The following IRAK2 variants were observed in gnomAD, a reference collection of about 807,000 sequenced individuals.
IRAK2 encodes the protein interleukin-1 receptor-associated kinase-like 2.
Under a neutral mutation model 72.0 loss-of-function variants are expected in IRAK2, and 57 were observed. The ratio of observed to expected loss-of-function variants is 0.79; its 90% CI spans 0.64 to 0.99. The LOEUF (loss-of-function observed/expected upper bound fraction) is 0.99. IRAK2 is among the 50% of genes least tolerant of loss of function. The probability of loss-of-function intolerance (pLI) is 0.00; values close to 1 mark genes in which losing one functional copy is unlikely to be tolerated. For missense variants in IRAK2, 790 were observed against 794.4 expected (o/e 0.99, Z 0.07); for synonymous variants, 293 against 312.7 (o/e 0.94, Z 0.67).
intron 3 of IRAK2, among the ~76,000 whole-genome samples, chr3:10,207,495 A>G (rs1269047781): frequency 2.0e-5 from 3 of 152,170 alleles, no homozygotes; most frequent in Non-Finnish European, 4.4e-5. Flanking sequence ...TGTGCGGACC[A>G]GCCACCATGG....
chr3:10,238,728 T>C lies in IRAK2; in HGVS notation c.1474-20T>C. Reference sequence around the variant, plus strand: ...CAGAGAGAATTCCTGATGAGCTCCCTTCTCTCTCTTCTCCCAAAGGTGTGT... The same window carrying C: ...CAGAGAGAATTCCTGATGAGCTCCCCTCTCTCTCTTCTCCCAAAGGTGTGT... On this transcript the variant is annotated intron_variant, in intron 11 of 12. Coordinates refer to ENST00000256458, the MANE Select transcript of IRAK2 (RefSeq NM_001570.4). 1.2e-6 allele frequency: 2 copies of C among 1,609,036 alleles called. No homozygotes were observed. Among genetic ancestry groups the C allele is most frequent in the Non-Finnish European group, 1.7e-6 (2 of 1,176,908 alleles).
rs187038916 is a variant in IRAK2 at position 10,197,627 on chromosome 3, C to T, written c.278-2742C>T. Among the ~76,000 whole-genome samples the T allele has an allele frequency of 3.0e-3, 457 of 151,076 alleles. 4 individuals carry two copies. The highest frequency in any genetic ancestry group is 0.011 in the African/African-American group (436 of 41,272). On this transcript the variant is annotated intron_variant, in intron 2 of 12. Transcript: ENST00000256458. The stretch of plus-strand genomic sequence containing the variant: ...CAGCACTTTGGGAGGCTGAAGAGGG[C>T]GGATCATGAGGTCAGGAGATCGAGA...
intron 1 of IRAK2, among the ~76,000 whole-genome samples, chr3:10,166,007 G>A (rs1439171271): frequency 6.6e-6 from 1 of 152,032 alleles, no homozygotes; most frequent in East Asian, 1.9e-4. Context: ...GGGATTACAG[G>A]CATGAGCCAC....
At chr3:10,174,681 C>T (rs138203964) in intron 1 of IRAK2, among the ~76,000 whole-genome samples, 10 of 152,068 alleles carry the variant, frequency 6.6e-5, no homozygotes, top group African/African-American at 1.7e-4. Context: ...GGCACCACCA[C>T]GCTTGGCTAA....
intron 11 of IRAK2, 92 bp downstream of exon 11, chr3:10,234,751 C>A: frequency 5.3e-6 from 6 of 1,136,088 alleles, no homozygotes; most frequent in Non-Finnish European, 7.6e-6. Flanking sequence ...GGTGCACAAA[C>A]CAGGGTTGTG....
intron 7 of IRAK2, among the ~76,000 whole-genome samples, chr3:10,217,775 G>T (rs1575980729): frequency 6.6e-6 from 1 of 152,182 alleles, no homozygotes; most frequent in Non-Finnish European, 1.5e-5. Flanking sequence ...TTCCATAACA[G>T]AATTATTGCT....
intron 3 of IRAK2, among the ~76,000 whole-genome samples, 185 bp from the exon 4 acceptor site, chr3:10,209,404 T>G (rs1408101073): frequency 6.6e-6 from 1 of 151,716 alleles, no homozygotes; most frequent in Non-Finnish European, 1.5e-5. Flanking sequence ...TGTAGGGGAG[T>G]CAGAGGCTTA....
intron 2 of IRAK2, 116 bp downstream of exon 2, chr3:10,178,136 T>A: frequency 2.3e-6 from 2 of 857,196 alleles, no homozygotes; most frequent in Non-Finnish European, 3.5e-6. Context: ...TTAAAAAATT[T>A]AATGAGTGAG....
rs369674031 is a variant in IRAK2, at chr3:10,213,414, T to C, written c.723+13T>C. ...GAAGCTCAGAGAGGTGAGCACTTCT[T>C]GGTTTCTAGTGGGGGTGGAGGCTGC... is the stretch of plus-strand genomic sequence containing the variant. On this transcript the variant is annotated intron_variant, in intron 5 of 12. Coordinates refer to ENST00000256458, the MANE Select transcript of IRAK2 (RefSeq NM_001570.4). 3.1e-6 allele frequency: 5 copies of C among 1,613,366 alleles called. No individual in the cohort carries two copies. Among genetic ancestry groups the C allele is most frequent in the African/African-American group, 1.3e-5 (1 of 74,820 alleles).
rs768508288 is a variant in IRAK2 at position 10,165,012 on chromosome 3, A to G, written c.58A>G (p.Met20Val). Residue 20 changes from methionine (M) to valine (V), a missense_variant, in exon 1 of 13, where the codon ATG (methionine) becomes GTG (valine). Physicochemically the swap from Met to Val is conservative, Grantham distance 21. Transcript: ENST00000256458. The part of the protein sequence containing the change: ...SWVLDDLCRN[M>V]DALSEWDWME... Reference sequence around the variant, plus strand: ...GGTGCTGGACGACCTGTGCCGCAACATGGACGCGCTCAGCGAGTGGGACTG... The same window carrying G: ...GGTGCTGGACGACCTGTGCCGCAACGTGGACGCGCTCAGCGAGTGGGACTG... 29 of 1,611,622 alleles carry G rather than the reference A, an allele frequency of 1.8e-5. No homozygotes were observed. The highest frequency in any genetic ancestry group is 2.7e-5 in the African/African-American group (2 of 74,812).
intron 2 of IRAK2, among the ~76,000 whole-genome samples, chr3:10,197,105 C>T (rs1240133714): frequency 1.3e-5 from 2 of 151,970 alleles, no homozygotes; most frequent in African/African-American, 2.4e-5. Context: ...AGGCCAGGCG[C>T]GGTGGCTCAT....
At chr3:10,240,201 A>C (rs1698030126) in intron 12 of IRAK2, among the ~76,000 whole-genome samples, 1 of 151,254 alleles carries the variant, frequency 6.6e-6, no homozygotes, top group Admixed American at 6.6e-5. Flanking sequence ...TCACGCCTGT[A>C]ATCCCAGCAC....
At chr3:10,242,058 T>C in intron 12 of IRAK2, 58 bp from the exon 13 acceptor site, 2 of 965,644 alleles carry the variant, frequency 2.1e-6, no homozygotes, top group South Asian at 2.8e-5. Context: ...ACTTTAAGAA[T>C]TATAATAATA....
Position 10,222,738 on chromosome 3 carries a change from T to A in IRAK2, c.1116T>A (p.Thr372=). 6.2e-7 allele frequency: 1 copy of A among 1,614,194 alleles called. No homozygotes were observed. The highest frequency in any genetic ancestry group is 8.5e-7 in the Non-Finnish European group (1 of 1,180,028). Residue 372 remains threonine (T), a synonymous_variant, in exon 9 of 13, where the codon ACT becomes ACA. Transcript: ENST00000256458. The part of the protein sequence containing the change: ...NKRSKYTMMK[T]HLLRTSAAYL... The stretch of plus-strand genomic sequence containing the variant: ...GGTCAAAATACACCATGATGAAGAC[T>A]CACCTGCTCCGGACGTCAGCCGCGT...
chr3:10,238,627 A>T, intron 11 of IRAK2, 121 bp from the exon 12 acceptor site: 1 of 968,374 alleles, frequency 1.0e-6, no homozygotes. Context: ...TTTCAGACAA[A>T]ACAACCAGCA....
chr3:10,199,327 C>A (rs1309349008), intron 2 of IRAK2, among the ~76,000 whole-genome samples: 2 of 152,172 alleles, frequency 1.3e-5, no homozygotes, highest in East Asian at 3.9e-4. Context: ...CAGGGGAGTT[C>A]TTCGGCCAGT....
intron 10 of IRAK2, among the ~76,000 whole-genome samples, chr3:10,230,601 T>A (rs1697845203): frequency 6.6e-6 from 1 of 152,114 alleles, no homozygotes; most frequent in East Asian, 1.9e-4. Context: ...TGAGATAAGG[T>A]CTCTGCCACC....
Position 10,242,383 on chromosome 3 carries a change from A to C in IRAK2, c.*155A>C. The C allele has an allele frequency of 2.1e-6, 1 of 477,768 alleles. No homozygotes were observed. The highest frequency in any genetic ancestry group is 3.5e-5 in the South Asian group (1 of 28,398). The allele number at this position is 477,768 out of a possible 1,614,324, so 29.6% of individuals were successfully genotyped here. Reference sequence around the variant, plus strand: ...AGGGAAACTTCATTTCACTGGAATGAGTTGGGAGAGAAAGGCCCTCAGCTT... The same window carrying C: ...AGGGAAACTTCATTTCACTGGAATGCGTTGGGAGAGAAAGGCCCTCAGCTT... On this transcript the variant is annotated 3_prime_UTR_variant, in exon 13 of 13. Transcript: ENST00000256458.
intron 8 of IRAK2, among the ~76,000 whole-genome samples, chr3:10,221,408 C>A (rs1697690126): frequency 1.3e-5 from 2 of 151,392 alleles, no homozygotes; most frequent in Admixed American, 1.3e-4. Flanking sequence ...CGCCTGCCAC[C>A]ATGCCCGGCT....
Sources: allele counts gnomAD v4.1 joint callset (sites outside exome capture counted in the v4.1 genomes callset), GRCh38; gene constraint gnomAD v4.1.1; transcripts MANE v1.5; gene names NCBI Gene and HGNC (gene_info 2026-07-23, HGNC 2026-07-21).